The following DAAM1 variants were observed in gnomAD, a reference collection of about 807,000 sequenced individuals.
DAAM1 encodes dishevelled associated activator of morphogenesis 1.
A neutral mutation model predicts 130.0 loss-of-function variants in DAAM1; 52 were observed. That is an observed-to-expected ratio of 0.40 (90% confidence interval 0.32 to 0.50). The LOEUF (loss-of-function observed/expected upper bound fraction) is 0.50, where lower values mean the gene tolerates loss of function less well. DAAM1 is among the 20% of genes least tolerant of loss of function. The pLI, the probability that DAAM1 is intolerant of heterozygous loss-of-function variation, is 0.61. For synonymous variants in DAAM1, 452 were observed against 444.5 expected (o/e 1.02, Z -0.21); for missense variants, 1,134 against 1,303.8 (o/e 0.87, Z 2.01).
Position 59,369,365 on chromosome 14 carries a change from C to CATCAACA in DAAM1, c.*506_*507insATCAACA, listed in dbSNP as rs1887054773. 6.5e-6 allele frequency: 1 copy of CATCAACA among 153,100 alleles called. No homozygotes were observed. The highest frequency in any genetic ancestry group is 2.4e-5 in the African/African-American group (1 of 41,420). 9.5% of individuals were successfully genotyped at this position (153,100 alleles called of 1,614,324 possible). On this transcript the variant is annotated 3_prime_UTR_variant, in exon 25 of 25. Transcript: ENST00000360909. ...ATAGATTTAAAATGATTTTTGATAG[C>CATCAACA]TGACATTGTGATGTTGATGTATCAC...
At chr14:59,291,827 ACT>A (rs1246208760) in intron 3 of DAAM1, among the ~76,000 whole-genome samples, 2 of 151,950 alleles carry the variant, frequency 1.3e-5, no homozygotes, top group Non-Finnish European at 2.9e-5. Flanking sequence ...TACATGGCTG[ACT>A]CTCTCTCGTA....
chr14:59,250,925 A>G (rs1406781764), intron 1 of DAAM1, among the ~76,000 whole-genome samples: 2 of 152,040 alleles, frequency 1.3e-5, no homozygotes, highest in Non-Finnish European at 2.9e-5. Flanking sequence ...TTTTCATGTC[A>G]GTCCCATGGA....
intron 1 of DAAM1, among the ~76,000 whole-genome samples, chr14:59,235,566 T>G (rs946776591): frequency 6.6e-6 from 1 of 152,170 alleles, no homozygotes; most frequent in African/African-American, 2.4e-5. Context: ...TCTATCTATT[T>G]TTTAAATTTT....
chr14:59,353,821 A>C (rs1011272416), intron 18 of DAAM1, 55 bp from the exon 19 acceptor site: 5 of 1,553,862 alleles, frequency 3.2e-6, no homozygotes, highest in South Asian at 2.3e-5. Context: ...ATCTGTTATT[A>C]AGTGAACCTA....
rs2139661457 is a variant in DAAM1, at chr14:59,347,582, A to G, written c.2119A>G (p.Met707Val). The change falls in exon 17 of 25, where the codon ATG becomes GTG. Residue 707 changes from methionine to valine, a missense_variant. Met to Val is a conservative substitution (Grantham distance 21). Coordinates refer to ENST00000360909, the MANE Select transcript of DAAM1 (RefSeq NM_001270520.2). ...CGAAATCAAACGGGCAATTCTAACA[A>G]TGGACGAACAGGAAGATCTGCCCAA... is the stretch of plus-strand genomic sequence containing the variant. ...NDEIKRAILT[M>V]DEQEDLPKDM... is the part of the protein sequence containing the mutation. 1 of 1,613,950 alleles carries G rather than the reference A, an allele frequency of 6.2e-7. No individual in the cohort carries two copies. The highest frequency in any genetic ancestry group is 1.1e-5 in the South Asian group (1 of 91,050).
At chr14:59,356,806 A>G (rs988523708) in intron 20 of DAAM1, among the ~76,000 whole-genome samples, 2 of 152,280 alleles carry the variant, frequency 1.3e-5, no homozygotes, top group Non-Finnish European at 2.9e-5. Context: ...CAGAATTTAC[A>G]TAAAGTACAA....
Position 59,323,195 on chromosome 14 carries a change from G to A in DAAM1, c.744G>A (p.Gln248=), listed in dbSNP as rs1399769992. 6 of 1,611,072 alleles carry A rather than the reference G, an allele frequency of 3.7e-6. No homozygotes were observed. Among genetic ancestry groups the A allele is most frequent in the South Asian group, 1.1e-5 (1 of 90,848 alleles). ...KKVLQAMLHY[Q]KYASERTRFQ... is the part of the protein sequence containing the mutation. ...TTCTGCAGGCCATGCTGCACTACCA[G>A]AAGTATGCCAGCGAAAGGACCCGCT... The change falls in exon 6 of 25, where the codon CAG becomes CAA. Residue 248 remains glutamine (Q), a synonymous_variant. Transcript: ENST00000360909.
intron 11 of DAAM1, 101 bp downstream of exon 11, chr14:59,326,749 TA>T (rs1385338073): frequency 2.6e-6 from 4 of 1,550,810 alleles, no homozygotes; most frequent in South Asian, 2.5e-5. Flanking sequence ...TGAAATGTTC[TA>T]GGGGTCAAAT....
At chr14:59,246,461 A>G (rs549751107) in intron 1 of DAAM1, among the ~76,000 whole-genome samples, 2 of 152,098 alleles carry the variant, frequency 1.3e-5, no homozygotes, top group African/African-American at 2.4e-5. Context: ...TATTGATGAC[A>G]TTTGGGTTCC....
At chr14:59,295,026 A>T (rs567550240) in intron 3 of DAAM1, among the ~76,000 whole-genome samples, 1 of 152,224 alleles carries the variant, frequency 6.6e-6, no homozygotes, top group Admixed American at 6.5e-5. Context: ...CCTTATTAGT[A>T]TCCAGAAAAA....
intron 1 of DAAM1, among the ~76,000 whole-genome samples, chr14:59,223,945 A>G (rs964187181): frequency 2.6e-5 from 4 of 152,186 alleles, no homozygotes; most frequent in African/African-American, 9.7e-5. Flanking sequence ...CACTAGATTC[A>G]GTCAGCATAA....
At chr14:59,333,232 G>C (rs1671608981) in intron 15 of DAAM1, among the ~76,000 whole-genome samples, 1 of 152,114 alleles carries the variant, frequency 6.6e-6, no homozygotes, top group Non-Finnish European at 1.5e-5. Flanking sequence ...CAAAAATAGA[G>C]GCGGTTGCCT....
Position 59,314,053 on chromosome 14 carries a change from A to T in DAAM1, c.274-1227A>T, listed in dbSNP as rs377345492. 1.1e-3 allele frequency among the ~76,000 whole-genome samples: 163 copies of T among 152,326 alleles called. 2 individuals are homozygous for T. Among genetic ancestry groups the T allele is most frequent in the African/African-American group, 3.8e-3 (156 of 41,568 alleles). On this transcript the variant is annotated intron_variant, in intron 3 of 24. Coordinates refer to ENST00000360909, the MANE Select transcript of DAAM1 (RefSeq NM_001270520.2). Reference sequence around the variant, plus strand: ...ATAGTTTTGAAATTGCATTTCTTTTATTCCACCTGTGTAGACCTGTCTGGA... The same window carrying T: ...ATAGTTTTGAAATTGCATTTCTTTTTTTCCACCTGTGTAGACCTGTCTGGA...
intron 17 of DAAM1, among the ~76,000 whole-genome samples, chr14:59,351,000 C>T (rs556885633): frequency 6.6e-6 from 1 of 152,270 alleles, no homozygotes; most frequent in African/African-American, 2.4e-5. Context: ...TACTAGAAAT[C>T]ATTACTTGCT....
chr14:59,242,257 A>G (rs1881158272), intron 1 of DAAM1, among the ~76,000 whole-genome samples: 1 of 152,180 alleles, frequency 6.6e-6, no homozygotes, highest in Admixed American at 6.5e-5. Flanking sequence ...TTTATGATAG[A>G]TCTCAAATAT....
chr14:59,223,982 A>G (rs1415573675), intron 1 of DAAM1, among the ~76,000 whole-genome samples: 2 of 152,162 alleles, frequency 1.3e-5, no homozygotes, highest in Non-Finnish European at 2.9e-5. Flanking sequence ...GTCCAGTGTG[A>G]TGTCTTGTGG....
chr14:59,253,055 C>T (rs773307041), intron 1 of DAAM1, among the ~76,000 whole-genome samples: 4 of 152,158 alleles, frequency 2.6e-5, no homozygotes, highest in Non-Finnish European at 4.4e-5. Context: ...TGGGTTTCTC[C>T]CACCTTGACT....
intron 17 of DAAM1, 98 bp downstream of exon 17, chr14:59,347,721 C>G: frequency 8.4e-7 from 1 of 1,184,120 alleles, no homozygotes; most frequent in Admixed American, 2.0e-5. Flanking sequence ...GGATCATTTC[C>G]TCATCTATGA....
intron 24 of DAAM1, among the ~76,000 whole-genome samples, 157 bp from the exon 25 acceptor site, chr14:59,368,493 T>C (rs1049306447): frequency 6.6e-6 from 1 of 152,156 alleles, no homozygotes; most frequent in African/African-American, 2.4e-5. Context: ...AGACCCCATG[T>C]TCCAATTCCC....
Sources: allele counts gnomAD v4.1 joint callset (sites outside exome capture counted in the v4.1 genomes callset), GRCh38; gene constraint gnomAD v4.1.1; transcripts MANE v1.5; gene names NCBI Gene and HGNC (gene_info 2026-07-23, HGNC 2026-07-21).